Variants in AFF3 observed in about 807,000 individuals in gnomAD.
AFF3 encodes the protein ALF transcription elongation factor 3.
AFF3 carries 32 observed loss-of-function variants against 129.7 expected under a neutral mutation model. The observed-to-expected ratio is 0.25, with a 90% CI of 0.19 to 0.33. The LOEUF is 0.33. AFF3 is among the 10% of genes least tolerant of loss of function. The pLI, the probability that AFF3 is intolerant of heterozygous loss-of-function variation, is 1.00. For missense variants in AFF3, 1,373 were observed against 1,592.0 expected (o/e 0.86, Z 2.34); for synonymous variants, 644 against 635.4 (o/e 1.01, Z -0.20).
intron 8 of AFF3, among the ~76,000 whole-genome samples, chr2:99,809,502 A>G (rs1035822987): frequency 6.6e-6 from 1 of 152,228 alleles, no homozygotes; most frequent in Non-Finnish European, 1.5e-5. Context: ...GGATTAGGTG[A>G]TTACCCAGTG....
intron 7 of AFF3, among the ~76,000 whole-genome samples, chr2:99,996,042 C>T (rs998559705): frequency 6.6e-6 from 1 of 152,086 alleles, no homozygotes; most frequent in African/African-American, 2.4e-5. Context: ...TACTTAGTCA[C>T]TCATTGCAGA....
At chr2:99,819,152 C>A (rs1360915500) in intron 8 of AFF3, among the ~76,000 whole-genome samples, 2 of 152,146 alleles carry the variant, frequency 1.3e-5, no homozygotes, top group African/African-American at 4.8e-5. Flanking sequence ...CATTTTTATT[C>A]CAAGGAAGCT....
chr2:100,117,240 C>G (rs1444174246), intron 2 of AFF3, among the ~76,000 whole-genome samples: 2 of 152,090 alleles, frequency 1.3e-5, no homozygotes, highest in Non-Finnish European at 1.5e-5. Context: ...ATTCTCTTTC[C>G]TCTTCTTCTG....
intron 4 of AFF3, among the ~76,000 whole-genome samples, chr2:100,068,948 A>T (rs915756873): frequency 1.3e-5 from 2 of 151,756 alleles, no homozygotes; most frequent in African/African-American, 2.4e-5. Context: ...TGGTAACCAA[A>T]CCTTGTATTT....
At chr2:99,788,082 A>C (rs1684936500) in intron 8 of AFF3, among the ~76,000 whole-genome samples, 1 of 152,122 alleles carries the variant, frequency 6.6e-6, no homozygotes, top group Non-Finnish European at 1.5e-5. Flanking sequence ...GGCGTAAATA[A>C]ACCTAATGCG....
chr2:99,894,531 C>T (rs189862398), intron 7 of AFF3, among the ~76,000 whole-genome samples: 37 of 151,036 alleles, frequency 2.4e-4, no homozygotes, highest in African/African-American at 7.3e-4. Flanking sequence ...TGCAGTGGCG[C>T]GATCTCAGCT....
At position 99,578,324 on chromosome 2, in the gene AFF3, T is replaced by C. The variant is rs1244309275; in HGVS notation, c.2918+3A>G. On this transcript the variant is annotated splice_donor_region_variant and intron_variant, in intron 18 of 24. Transcript: ENST00000672756. ...CACCACATTTAAAAGCGTCTGAACT[T>C]ACATATCATCGAAGACAAGTTTCTG... The C allele has an allele frequency of 1.3e-6, 2 of 1,599,098 alleles. No homozygotes were observed. The highest frequency in any genetic ancestry group is 4.5e-5 in the East Asian group (2 of 44,056).
intron 10 of AFF3, among the ~76,000 whole-genome samples, chr2:99,730,663 T>G (rs1029762200): frequency 7.2e-5 from 11 of 151,784 alleles, no homozygotes; most frequent in Admixed American, 2.0e-4. Flanking sequence ...TACAGGTGCC[T>G]GCCACCATGC....
At chr2:99,761,185 C>CTTT (rs113789471) in intron 8 of AFF3, among the ~76,000 whole-genome samples, 7,551 of 138,272 alleles carry the variant, frequency 0.055, 694 homozygotes, top group African/African-American at 0.19. Context: ...CAGGTGACTT[C>CTTT]TTTTTTTTTT....
intron 10 of AFF3, among the ~76,000 whole-genome samples, chr2:99,736,932 T>C (rs548082278): frequency 3.3e-4 from 50 of 152,286 alleles, no homozygotes; most frequent in African/African-American, 1.1e-3. Context: ...ATTTAATTTA[T>C]GCTACCATAT....
Position 99,708,010 on chromosome 2 carries a change from G to T in AFF3, c.1091+19067C>A, listed in dbSNP as rs193086001. The stretch of plus-strand genomic sequence containing the variant: ...GGTAGGGTTGTTAGAATTAGCAAAT[G>T]AAAATACAGGATGCCTAGTTAAATT... On this transcript the variant is annotated intron_variant, in intron 11 of 24. Transcript: ENST00000672756. Among the ~76,000 whole-genome samples, 631 of 152,244 alleles carry T rather than the reference G, an allele frequency of 4.1e-3. 5 individuals carry two copies. Among genetic ancestry groups the T allele is most frequent in the African/African-American group, 0.015 (608 of 41,550 alleles).
rs1188004758 is a variant in AFF3, at chr2:99,551,243, C to G, written c.*231G>C. On this transcript the variant is annotated 3_prime_UTR_variant, in exon 25 of 25. Transcript: ENST00000672756. ...CTAGCCTGGGATTATGGAAACTAGA[C>G]AAAGAAGGTGTGTTCTGAAGAGCTG... 2 of 586,914 alleles carry G rather than the reference C, an allele frequency of 3.4e-6. No individual in the cohort carries two copies. Among genetic ancestry groups the G allele is most frequent in the Non-Finnish European group, 5.9e-6 (2 of 337,472 alleles). The allele number at this position is 586,914 out of a possible 1,614,324, so 36.4% of individuals were successfully genotyped here. A position where few individuals can be genotyped will look rare whatever the true frequency, so the allele number is the denominator to read the frequency against.
At chr2:99,939,249 A>G (rs1357106449) in intron 7 of AFF3, among the ~76,000 whole-genome samples, 1 of 152,258 alleles carries the variant, frequency 6.6e-6, no homozygotes, top group Non-Finnish European at 1.5e-5. Context: ...TTTGTTCCAT[A>G]AATCCACTGG....
At chr2:99,578,573 G>C in intron 17 of AFF3, 122 bp from the exon 18 acceptor site, 3 of 1,408,482 alleles carry the variant, frequency 2.1e-6, no homozygotes, top group Non-Finnish European at 2.9e-6. Flanking sequence ...TGCTGTATTA[G>C]AATTGATGGT....
chr2:99,994,296 T>C (rs1680639138), intron 7 of AFF3, among the ~76,000 whole-genome samples: 1 of 152,096 alleles, frequency 6.6e-6, no homozygotes, highest in Admixed American at 6.5e-5. Flanking sequence ...AGAGTGGGCA[T>C]CTTAAAAGAC....
At position 99,646,362 on chromosome 2, in the gene AFF3, C is replaced by G. The variant is rs144248501; in HGVS notation, c.1184+3264G>C. Among the ~76,000 whole-genome samples, 3 of 152,156 alleles carry G rather than the reference C, an allele frequency of 2.0e-5. No individual in the cohort carries two copies. In the East Asian group the frequency reaches 5.8e-4, roughly 29 times the overall value. Reference sequence around the variant, plus strand: ...CCAGTGTGCATGGCCAGAGCCAGTACGGGCTTTTCTGTCCTGTCCCAGAAT... The same window carrying G: ...CCAGTGTGCATGGCCAGAGCCAGTAGGGGCTTTTCTGTCCTGTCCCAGAAT... On this transcript the variant is annotated intron_variant, in intron 13 of 24. Coordinates refer to ENST00000672756, the MANE Select transcript of AFF3 (RefSeq NM_001386135.1).
Position 99,716,798 on chromosome 2 carries a change from G to A in AFF3, c.1091+10279C>T, listed in dbSNP as rs137864036. 2.7e-3 allele frequency among the ~76,000 whole-genome samples: 411 copies of A among 151,906 alleles called. 9 individuals are homozygous for A. The East Asian group carries it at 0.05, about 19-fold the overall frequency. ...TTGGGGGGGCTGAGGCAGGAGAATC[G>A]TTTGAACCCAGGAGGCAGAGGCTGC... On this transcript the variant is annotated intron_variant, in intron 11 of 24. Transcript: ENST00000672756.
chr2:99,651,485 A>G (rs1685249802), intron 12 of AFF3, among the ~76,000 whole-genome samples: 3 of 151,598 alleles, frequency 2.0e-5, no homozygotes, highest in Admixed American at 1.3e-4. Context: ...TTTGTCACCC[A>G]GGCTGGAGTG....
At chr2:100,017,086 A>G (rs1184253208) in intron 4 of AFF3, among the ~76,000 whole-genome samples, 1 of 151,910 alleles carries the variant, frequency 6.6e-6, no homozygotes, top group African/African-American at 2.4e-5. Context: ...TGGTGGTGAA[A>G]GTGGTAGTGA....
Sources: allele counts gnomAD v4.1 joint callset (sites outside exome capture counted in the v4.1 genomes callset), GRCh38; gene constraint gnomAD v4.1.1; transcripts MANE v1.5; gene names NCBI Gene and HGNC (gene_info 2026-07-23, HGNC 2026-07-21).